The following KIRREL3 variants were observed in gnomAD, a reference collection of about 807,000 sequenced individuals.
KIRREL3 encodes kin of IRRE-like protein 3.
Under a neutral mutation model 89.7 loss-of-function variants are expected in KIRREL3, and 36 were observed. The observed-to-expected ratio is 0.40, with a 90% CI of 0.31 to 0.53. The LOEUF is 0.53. Ranked by LOEUF, KIRREL3 falls within the 20% of genes least tolerant of loss-of-function variation. The probability of loss-of-function intolerance (pLI) is 0.49; values close to 1 mark genes in which losing one functional copy is unlikely to be tolerated. For synonymous variants in KIRREL3, 445 were observed against 441.4 expected (o/e 1.01, Z -0.10); for missense variants, 864 against 1,056.6 (o/e 0.82, Z 2.53).
At chr11:126,716,877 C>T (rs1947987749) in intron 1 of KIRREL3, among the ~76,000 whole-genome samples, 1 of 151,946 alleles carries the variant, frequency 6.6e-6, no homozygotes, top group Admixed American at 6.6e-5. Flanking sequence ...TTTCCTTTCC[C>T]CTGCTTGTTG....
At chr11:126,806,803 T>G (rs1473131377) in intron 1 of KIRREL3, among the ~76,000 whole-genome samples, 1 of 152,074 alleles carries the variant, frequency 6.6e-6, no homozygotes, top group East Asian at 1.9e-4. Context: ...CCACATGCAT[T>G]AGGTATTTGT....
intron 1 of KIRREL3, among the ~76,000 whole-genome samples, chr11:126,803,168 C>T (rs1193690040): frequency 6.6e-6 from 1 of 152,196 alleles, no homozygotes; most frequent in African/African-American, 2.4e-5. Context: ...GCAACATATG[C>T]TCCAGCAGTG....
At chr11:126,688,049 G>T (rs1016330365) in intron 1 of KIRREL3, among the ~76,000 whole-genome samples, 1 of 152,222 alleles carries the variant, frequency 6.6e-6, no homozygotes, top group Non-Finnish European at 1.5e-5. Context: ...CTTTAGGAAC[G>T]ACTCCTGCCT....
chr11:126,919,796 A>C (rs1947195341), intron 1 of KIRREL3, among the ~76,000 whole-genome samples: 2 of 152,208 alleles, frequency 1.3e-5, no homozygotes, highest in African/African-American at 4.8e-5. Flanking sequence ...AGAGGTTAAG[A>C]GTTCCAAAGA....
chr11:126,966,391 TTC>T (rs1412982783), intron 1 of KIRREL3, among the ~76,000 whole-genome samples: 2 of 152,166 alleles, frequency 1.3e-5, no homozygotes, highest in Non-Finnish European at 2.9e-5. Context: ...CAAGCTGCTG[TTC>T]TGCAGAAATT....
Position 126,489,756 on chromosome 11 carries a change from G to A in KIRREL3, c.434-16290C>T, listed in dbSNP as rs1371980449. On this transcript the variant is annotated intron_variant, in intron 4 of 16. Transcript: ENST00000525144. This position sits in a 1 kb window ranked among gnomAD's most constrained non-coding sequence, Gnocchi z 5.5. ...AGCCCTTGGATCCTTAATCACCTCT[G>A]TTCTTTTGCTGGCTCTCTCTGAGGC... Among the ~76,000 whole-genome samples the A allele has an allele frequency of 6.6e-6, 1 of 152,066 alleles. No individual in the cohort carries two copies. Among genetic ancestry groups the A allele is most frequent in the Non-Finnish European group, 1.5e-5 (1 of 68,014 alleles).
Position 126,904,013 on chromosome 11 carries a change from C to T in KIRREL3, c.55+96442G>A, listed in dbSNP as rs1946475209. On this transcript the variant is annotated intron_variant, in intron 1 of 16. Transcript: ENST00000525144. The surrounding 1 kb of genome is among the most constrained non-coding windows in gnomAD (Gnocchi z 4.4). ...CCCCTTGGTAGATAGCACATCTCAA[C>T]TCTGGCCTGGAGGTAATTCTCAAGC... Among the ~76,000 whole-genome samples the T allele has an allele frequency of 6.6e-6, 1 of 152,140 alleles. No individual in the cohort carries two copies. Among genetic ancestry groups the T allele is most frequent in the Non-Finnish European group, 1.5e-5 (1 of 68,016 alleles).
chr11:126,445,220 T>C, intron 9 of KIRREL3, 115 bp from the exon 10 acceptor site: 5 of 1,350,414 alleles, frequency 3.7e-6, no homozygotes, highest in Non-Finnish European at 5.1e-6. Context: ...CTCCGGCATC[T>C]CAGTAGGAAG....
In KIRREL3 at chr11:126,496,929, T is replaced by A. The variant is rs1957674391; in HGVS notation, c.434-23463A>T. ...GGAGGCCAATGAGAGTGGGCAGAAC[T>A]GAGCAATGGAGGAGGAGGCCCACCC... On this transcript the variant is annotated intron_variant, in intron 4 of 16. Transcript: ENST00000525144. The surrounding 1 kb of genome is among the most constrained non-coding windows in gnomAD (Gnocchi z 4.9). Among the ~76,000 whole-genome samples the A allele has an allele frequency of 6.6e-6, 1 of 152,090 alleles. No individual in the cohort carries two copies. Among genetic ancestry groups the A allele is most frequent in the Admixed American group, 6.6e-5 (1 of 15,266 alleles).
intron 1 of KIRREL3, among the ~76,000 whole-genome samples, chr11:126,580,841 T>C (rs1941508916): frequency 6.6e-6 from 1 of 151,518 alleles, no homozygotes; most frequent in Admixed American, 6.6e-5. Context: ...TTCCTGTTTT[T>C]TTTTTTTTTT....
At position 126,697,662 on chromosome 11, in the gene KIRREL3, G is replaced by C. The variant is rs1216502075; in HGVS notation, c.56-134750C>G. Among the ~76,000 whole-genome samples the C allele has an allele frequency of 6.6e-6, 1 of 152,198 alleles. No individual in the cohort carries two copies. The highest frequency in any genetic ancestry group is 1.5e-5 in the Non-Finnish European group (1 of 68,028). On this transcript the variant is annotated intron_variant, in intron 1 of 16. Coordinates refer to ENST00000525144, the MANE Select transcript of KIRREL3 (RefSeq NM_032531.4). This position sits in a 1 kb window ranked among gnomAD's most constrained non-coding sequence, Gnocchi z 4.2. ...AATAACCTGAACTCATGTAAAAGTG[G>C]CTCTTTCCTCCCAGTCCAAACCACA...
chr11:126,922,552 C>A (rs1441302168), intron 1 of KIRREL3, among the ~76,000 whole-genome samples: 2 of 151,976 alleles, frequency 1.3e-5, no homozygotes, highest in Admixed American at 1.3e-4. Context: ...CAAGGTGAAT[C>A]CCTCCATCCT....
intron 5 of KIRREL3, among the ~76,000 whole-genome samples, chr11:126,465,744 G>A (rs1314809841): frequency 1.3e-5 from 2 of 152,182 alleles, no homozygotes; most frequent in Non-Finnish European, 2.9e-5. Flanking sequence ...AGCAAGCCGG[G>A]GGCAGGACCA....
intron 1 of KIRREL3, among the ~76,000 whole-genome samples, chr11:126,959,515 C>T (rs1949021549): frequency 6.6e-6 from 1 of 152,202 alleles, no homozygotes; most frequent in Non-Finnish European, 1.5e-5. Context: ...AATAATCCCA[C>T]TTTCTTCAAT....
Position 126,955,141 on chromosome 11 carries a change from C to G in KIRREL3, c.55+45314G>C, listed in dbSNP as rs1014868503. On this transcript the variant is annotated intron_variant, in intron 1 of 16. Transcript: ENST00000525144. The surrounding 1 kb of genome is among the most constrained non-coding windows in gnomAD (Gnocchi z 4.6). ...GCGTGTGGCTTTTCACTGTGGGCTT[C>G]CTAATGCAGTAGGTTTCAAGCATGA... Among the ~76,000 whole-genome samples, 1 of 152,102 alleles carries G rather than the reference C, an allele frequency of 6.6e-6. No homozygotes were observed. Among genetic ancestry groups the G allele is most frequent in the African/African-American group, 2.4e-5 (1 of 41,384 alleles).
chr11:126,835,854 G>A (rs1275247178), intron 1 of KIRREL3, among the ~76,000 whole-genome samples: 4 of 152,256 alleles, frequency 2.6e-5, no homozygotes, highest in African/African-American at 4.8e-5. Flanking sequence ...TTTGGCTCTC[G>A]AGGCACCAGT....
rs1307411629 is a variant in KIRREL3, at chr11:126,454,802, C to T, written c.848+1547G>A. On this transcript the variant is annotated intron_variant, in intron 7 of 16. Transcript: ENST00000525144. This position sits in a 1 kb window ranked among gnomAD's most constrained non-coding sequence, Gnocchi z 5.8. ...CTGGAGTCCCCGGCTCAGAAGGGAC[C>T]CTGGAGGTCATCTGTTCTTTCTTCT... Among the ~76,000 whole-genome samples, 16 of 152,064 alleles carry T rather than the reference C, an allele frequency of 1.1e-4. No homozygotes were observed. Among genetic ancestry groups the T allele is most frequent in the Admixed American group, 1.0e-3 (16 of 15,274 alleles).
chr11:126,513,723 G>T lies in KIRREL3; in HGVS notation c.433+7592C>A, dbSNP rs1296187681. ...AGATTATGGGGGCAGGGAGATTGTG[G>T]GGGGCGACCTTGGAGTGCAGCAGGA... On this transcript the variant is annotated intron_variant, in intron 4 of 16. Transcript: ENST00000525144. The surrounding 1 kb of genome is among the most constrained non-coding windows in gnomAD (Gnocchi z 5.9). Among the ~76,000 whole-genome samples the T allele has an allele frequency of 6.6e-6, 1 of 152,058 alleles. No homozygotes were observed. Among genetic ancestry groups the T allele is most frequent in the East Asian group, 1.9e-4 (1 of 5,174 alleles).
chr11:126,655,496 C>G lies in KIRREL3; in HGVS notation c.56-92584G>C, dbSNP rs1945094627. Among the ~76,000 whole-genome samples, 1 of 152,224 alleles carries G rather than the reference C, an allele frequency of 6.6e-6. No individual in the cohort carries two copies. Among genetic ancestry groups the G allele is most frequent in the Non-Finnish European group, 1.5e-5 (1 of 68,040 alleles). ...ATTTGGAAGGTTAAAAATCACTTCA[C>G]TTGTCAACTCGAAAGCTCTCCCTCC... On this transcript the variant is annotated intron_variant, in intron 1 of 16. Transcript: ENST00000525144. The surrounding 1 kb of genome is among the most constrained non-coding windows in gnomAD (Gnocchi z 5.0).
Sources: gnomAD v4.1 joint callset for allele counts (sites outside exome capture counted in the v4.1 genomes callset) on GRCh38, gnomAD v4.1.1 for gene constraint, Gnocchi (gnomAD v3.1) non-coding constraint, MANE v1.5 for transcripts, NCBI Gene and HGNC (gene_info 2026-07-23, HGNC 2026-07-21) for gene names.